Variants in ARHGAP24 observed in about 807,000 individuals in gnomAD.
ARHGAP24 encodes rho GTPase-activating protein 24.
In ARHGAP24, 50 loss-of-function variants were observed where a neutral mutation model predicts 76.4. The observed-to-expected ratio is 0.65, with a 90% CI of 0.52 to 0.83. The LOEUF (loss-of-function observed/expected upper bound fraction) is 0.83, where lower values mean the gene tolerates loss of function less well. Ranked by LOEUF, ARHGAP24 falls within the 40% of genes least tolerant of loss-of-function variation. The pLI is 0.00. For synonymous variants in ARHGAP24, 345 were observed against 323.3 expected (o/e 1.07, Z -0.72); for missense variants, 930 against 914.2 (o/e 1.02, Z -0.22).
intron 2 of ARHGAP24, among the ~76,000 whole-genome samples, chr4:85,625,628 G>C (rs1212985356): frequency 1.3e-5 from 2 of 152,138 alleles, no homozygotes. Flanking sequence ...GGATATCCTT[G>C]TTAACTTTTT....
chr4:85,652,744 G>C (rs1381683068), intron 2 of ARHGAP24, among the ~76,000 whole-genome samples: 1 of 152,128 alleles, frequency 6.6e-6, no homozygotes. Context: ...GTGGATTAGG[G>C]GGTGGCAAGT....
intron 2 of ARHGAP24, among the ~76,000 whole-genome samples, chr4:85,595,273 C>T (rs779763710): frequency 2.6e-5 from 4 of 152,020 alleles, no homozygotes; most frequent in Non-Finnish European, 2.9e-5. Context: ...AAGTTCCTGT[C>T]GGAAATGAGT....
At position 85,995,957 on chromosome 4, in the gene ARHGAP24, A is replaced by G. The variant is rs72986071; in HGVS notation, c.2003+300A>G. The stretch of plus-strand genomic sequence containing the variant: ...GTCATCTTTGATTATTATTAAATAG[A>G]TAGATTTGCATTAGAGGGCTGGAAG... On this transcript the variant is annotated intron_variant, in intron 9 of 9. Coordinates refer to ENST00000395184, the MANE Select transcript of ARHGAP24 (RefSeq NM_001025616.3). 0.025 allele frequency among the ~76,000 whole-genome samples: 3,853 copies of G among 152,286 alleles called. 183 individuals are homozygous for G. The highest frequency in any genetic ancestry group is 0.086 in the African/African-American group (3,556 of 41,538).
chr4:85,939,193 A>G (rs1307728784), intron 4 of ARHGAP24, among the ~76,000 whole-genome samples: 2 of 152,218 alleles, frequency 1.3e-5, no homozygotes, highest in South Asian at 2.1e-4. Context: ...TGCCTGTAAC[A>G]TGCCTGGCAT....
At chr4:85,881,802 C>A (rs1733269922) in intron 3 of ARHGAP24, among the ~76,000 whole-genome samples, 2 of 152,088 alleles carry the variant, frequency 1.3e-5, no homozygotes, top group South Asian at 4.2e-4. Context: ...TTGGTCCCTG[C>A]TCTAGGGGAT....
At chr4:85,647,980 A>G (rs778999892) in intron 2 of ARHGAP24, among the ~76,000 whole-genome samples, 5 of 152,180 alleles carry the variant, frequency 3.3e-5, no homozygotes, top group Non-Finnish European at 5.9e-5. Context: ...CTGTACCAGC[A>G]ATCCTTAGAA....
intron 2 of ARHGAP24, among the ~76,000 whole-genome samples, chr4:85,655,790 T>TAGGAGAG (rs1351229097): frequency 2.0e-5 from 1 of 50,140 alleles, no homozygotes; most frequent in Non-Finnish European, 3.2e-5. Flanking sequence ...TATATATATA[T>TAGGAGAG]ATAGAGAGAG....
chr4:85,845,154 A>C (rs1362643082), intron 3 of ARHGAP24, among the ~76,000 whole-genome samples: 1 of 152,166 alleles, frequency 6.6e-6, no homozygotes, highest in Admixed American at 6.5e-5. Flanking sequence ...TTGTGTCTGG[A>C]CAATAAAGGA....
At chr4:85,820,979 T>C (rs1474324776) in intron 3 of ARHGAP24, among the ~76,000 whole-genome samples, 1 of 152,100 alleles carries the variant, frequency 6.6e-6, no homozygotes, top group Non-Finnish European at 1.5e-5. Context: ...AAATATTTTA[T>C]TTGTCTATTT....
intron 1 of ARHGAP24, among the ~76,000 whole-genome samples, chr4:85,488,996 C>T (rs370003691): frequency 3.9e-4 from 59 of 152,216 alleles, no homozygotes; most frequent in African/African-American, 1.0e-3. Flanking sequence ...AAGCTAATTC[C>T]TTCTACATTC....
At chr4:85,752,674 C>T (rs940307658) in intron 3 of ARHGAP24, among the ~76,000 whole-genome samples, 6 of 152,126 alleles carry the variant, frequency 3.9e-5, no homozygotes, top group African/African-American at 1.4e-4. Context: ...GGTACTTGTA[C>T]CATCATTTCT....
At chr4:85,748,318 G>A (rs894854452) in intron 3 of ARHGAP24, among the ~76,000 whole-genome samples, 8 of 152,170 alleles carry the variant, frequency 5.3e-5, no homozygotes, top group Admixed American at 2.6e-4. Context: ...GTAGAAATCC[G>A]TAACTCCCTT....
chr4:85,839,167 G>A (rs2601840), intron 3 of ARHGAP24, among the ~76,000 whole-genome samples: 152,047 of 152,354 alleles, frequency 1, 75,871 homozygotes, highest in Middle Eastern at 1. Context: ...AGAAGACTCA[G>A]TAATAATAAT....
intron 2 of ARHGAP24, among the ~76,000 whole-genome samples, chr4:85,711,766 G>C (rs1170885290): frequency 6.6e-6 from 1 of 152,136 alleles, no homozygotes; most frequent in Non-Finnish European, 1.5e-5. Flanking sequence ...AGATTATATA[G>C]CTTCTTCCAA....
intron 2 of ARHGAP24, among the ~76,000 whole-genome samples, chr4:85,658,445 CTGT>C (rs1722259465): frequency 6.6e-6 from 1 of 151,952 alleles, no homozygotes; most frequent in Non-Finnish European, 1.5e-5. Context: ...TATTTTTAAC[CTGT>C]TGTTTGTGGT....
intron 3 of ARHGAP24, among the ~76,000 whole-genome samples, chr4:85,791,547 A>C (rs1245912797): frequency 6.6e-6 from 1 of 152,208 alleles, no homozygotes; most frequent in East Asian, 1.9e-4. Context: ...AGTCATGGCC[A>C]GATAACTTGC....
intron 1 of ARHGAP24, among the ~76,000 whole-genome samples, chr4:85,516,297 G>T (rs1560516328): frequency 6.6e-6 from 1 of 152,128 alleles, no homozygotes; most frequent in Non-Finnish European, 1.5e-5. Context: ...TAGAATAATT[G>T]TGTAAATAAT....
chr4:85,667,027 G>A (rs1282871804), intron 2 of ARHGAP24, among the ~76,000 whole-genome samples: 2 of 152,160 alleles, frequency 1.3e-5, no homozygotes, highest in African/African-American at 2.4e-5. Context: ...TCTCTTCAAA[G>A]CTGTCAGACA....
At chr4:85,826,655 G>A (rs1250979123) in intron 3 of ARHGAP24, among the ~76,000 whole-genome samples, 1 of 152,112 alleles carries the variant, frequency 6.6e-6, no homozygotes, top group Non-Finnish European at 1.5e-5. Flanking sequence ...TTCAAGTACT[G>A]CACATATAGA....
Sources: gnomAD v4.1 joint callset for allele counts (sites outside exome capture counted in the v4.1 genomes callset) on GRCh38, gnomAD v4.1.1 for gene constraint, MANE v1.5 for transcripts, NCBI Gene and HGNC (gene_info 2026-07-23, HGNC 2026-07-21) for gene names.